PRLR: variants seen among roughly 807,000 people sequenced by gnomAD.
The protein encoded by PRLR is prolactin receptor, also known as hPRL receptor.
PRLR carries 13 observed loss-of-function variants against 40.2 expected under a neutral mutation model. The ratio of observed to expected loss-of-function variants is 0.32; its 90% confidence interval spans 0.21 to 0.51. The LOEUF (loss-of-function observed/expected upper bound fraction) is 0.51. PRLR is among the 20% of genes least tolerant of loss of function. The pLI is 0.97. For synonymous variants in PRLR, 269 were observed against 278.7 expected (o/e 0.97, Z 0.35); for missense variants, 656 against 747.3 (o/e 0.88, Z 1.42).
intron 2 of PRLR, among the ~76,000 whole-genome samples, chr5:35,111,367 C>T (rs1201791459): frequency 6.6e-6 from 1 of 152,128 alleles, no homozygotes; most frequent in Non-Finnish European, 1.5e-5. Flanking sequence ...TTTGTAAACA[C>T]TTCTGGCTGC....
At chr5:35,143,970 C>T (rs1395902124) in intron 1 of PRLR, among the ~76,000 whole-genome samples, 2 of 151,962 alleles carry the variant, frequency 1.3e-5, no homozygotes, top group African/African-American at 2.4e-5. Flanking sequence ...CCAGCTCATC[C>T]GTTTACTCAC....
intron 2 of PRLR, among the ~76,000 whole-genome samples, chr5:35,104,434 C>T (rs771140157): frequency 9.2e-5 from 14 of 152,072 alleles, no homozygotes; most frequent in African/African-American, 1.7e-4. Context: ...TCGCCTCACC[C>T]GGGAAGTGTA....
chr5:35,211,980 A>G (rs771827378), intron 1 of PRLR, among the ~76,000 whole-genome samples: 23 of 152,192 alleles, frequency 1.5e-4, no homozygotes, highest in Non-Finnish European at 4.4e-5. Context: ...GTGTGACAAG[A>G]GCAGAGTTGA....
chr5:35,167,138 CATCTATCT>C (rs10524859), intron 1 of PRLR, among the ~76,000 whole-genome samples: 16,884 of 147,248 alleles, frequency 0.11, 952 homozygotes, highest in African/African-American at 0.12. Flanking sequence ...GTTTGTCTAT[CATCTATCT>C]ATCTATCTAT....
At chr5:35,080,756 G>T (rs570706302) in intron 5 of PRLR, among the ~76,000 whole-genome samples, 12 of 151,844 alleles carry the variant, frequency 7.9e-5, no homozygotes, top group Non-Finnish European at 1.6e-4. Flanking sequence ...TGTTTATTGC[G>T]GCACTATTCA....
intron 5 of PRLR, among the ~76,000 whole-genome samples, chr5:35,077,818 A>T (rs1770218593): frequency 6.6e-6 from 1 of 152,202 alleles, no homozygotes; most frequent in Admixed American, 6.5e-5. Flanking sequence ...AGCACTCCTC[A>T]GCAAATGTAA....
intron 1 of PRLR, among the ~76,000 whole-genome samples, chr5:35,188,563 A>G (rs569952791): frequency 1.3e-5 from 2 of 152,344 alleles, no homozygotes; most frequent in South Asian, 2.1e-4. Context: ...GGCGACTTGC[A>G]TGGTTCTGTG....
intron 1 of PRLR, among the ~76,000 whole-genome samples, chr5:35,189,638 A>G (rs1204056064): frequency 6.6e-6 from 1 of 152,012 alleles, no homozygotes; most frequent in African/African-American, 2.4e-5. Context: ...AACACTATCA[A>G]CAGATGAGAG....
intron 9 of PRLR, among the ~76,000 whole-genome samples, chr5:35,067,718 G>T: frequency 6.6e-6 from 1 of 152,072 alleles, no homozygotes; most frequent in Non-Finnish European, 1.5e-5. Context: ...AGCCCAAATG[G>T]GTCCTGGCAA....
chr5:35,129,880 G>T (rs1030729088), intron 1 of PRLR, among the ~76,000 whole-genome samples: 1 of 152,106 alleles, frequency 6.6e-6, no homozygotes, highest in African/African-American at 2.4e-5. Context: ...TCCTGAAGCA[G>T]AGAAAGAGAA....
chr5:35,083,448 CTGTGTGTG>C (rs144426701), intron 5 of PRLR, among the ~76,000 whole-genome samples: 9 of 144,442 alleles, frequency 6.2e-5, no homozygotes, highest in Admixed American at 2.1e-4. Flanking sequence ...TCCTCTCTCT[CTGTGTGTG>C]TGTGTGTGTG....
At chr5:35,151,032 T>C (rs1425216100) in intron 1 of PRLR, among the ~76,000 whole-genome samples, 2 of 152,176 alleles carry the variant, frequency 1.3e-5, no homozygotes, top group Non-Finnish European at 1.5e-5. Context: ...AGGGGAATTA[T>C]AGGGTTTCAC....
chr5:35,181,943 G>C (rs993489725), intron 1 of PRLR, among the ~76,000 whole-genome samples: 11 of 152,154 alleles, frequency 7.2e-5, no homozygotes, highest in African/African-American at 2.7e-4. Flanking sequence ...ACACATGATT[G>C]AGTGTGTACT....
Position 35,212,862 on chromosome 5 carries a change from G to C in PRLR, c.-106+17406C>G, listed in dbSNP as rs372459731. ...TCAAGTACAGGGCTCTGGCTCAGCA[G>C]CCAAGTCCAAGTATGAGATTCATTA... On this transcript the variant is annotated intron_variant, in intron 1 of 9. Coordinates refer to ENST00000618457, the MANE Select transcript of PRLR (RefSeq NM_000949.7). Among the ~76,000 whole-genome samples the C allele has an allele frequency of 3.1e-4, 47 of 152,186 alleles. 1 individual carries two copies. Among genetic ancestry groups the C allele is most frequent in the African/African-American group, 1.1e-3 (45 of 41,438 alleles).
At chr5:35,185,430 T>TA (rs113019724) in intron 1 of PRLR, among the ~76,000 whole-genome samples, 3,734 of 143,008 alleles carry the variant, frequency 0.026, 135 homozygotes, top group African/African-American at 0.086. Flanking sequence ...GTAAGTTTCC[T>TA]AAAAAAAAAA....
chr5:35,103,341 C>T (rs923265759), intron 2 of PRLR, among the ~76,000 whole-genome samples: 2 of 152,164 alleles, frequency 1.3e-5, no homozygotes, highest in African/African-American at 4.8e-5. Context: ...ACCACTAGTG[C>T]ATATCAGCAA....
In PRLR at chr5:35,064,832, G is replaced by C. The variant is rs955000548; in HGVS notation, c.*257C>G. The stretch of plus-strand genomic sequence containing the variant: ...CATTGTCCCTCAAGAATACTAAGCA[G>C]TGTGCTTTTATTTCATTGAACACAT... On this transcript the variant is annotated 3_prime_UTR_variant, in exon 10 of 10. Coordinates refer to ENST00000618457, the MANE Select transcript of PRLR (RefSeq NM_000949.7). The C allele has an allele frequency of 1.1e-5, 5 of 467,268 alleles. No individual in the cohort carries two copies. The highest frequency in any genetic ancestry group is 9.7e-5 in the African/African-American group (5 of 51,396). 28.9% of individuals were successfully genotyped at this position (467,268 alleles called of 1,614,324 possible).
intron 1 of PRLR, among the ~76,000 whole-genome samples, chr5:35,174,054 TTCCC>T (rs1309357348): frequency 1.3e-5 from 2 of 151,154 alleles, no homozygotes. Flanking sequence ...CATTGTTCAA[TTCCC>T]ACCTATGAGT....
intron 1 of PRLR, among the ~76,000 whole-genome samples, chr5:35,142,111 C>T (rs539972439): frequency 2.4e-4 from 36 of 152,280 alleles, no homozygotes; most frequent in Middle Eastern, 3.4e-3. Context: ...CACCAACCTT[C>T]GGCAAATCTC....
Sources: gnomAD v4.1 joint callset for allele counts (sites outside exome capture counted in the v4.1 genomes callset) on GRCh38, gnomAD v4.1.1 for gene constraint, MANE v1.5 for transcripts, NCBI Gene and HGNC (gene_info 2026-07-23, HGNC 2026-07-21) for gene names.